Variants in KLF8 observed in about 807,000 individuals in gnomAD.
KLF8 encodes the protein KLF transcription factor 8.
Under a neutral mutation model 18.2 loss-of-function variants are expected in KLF8, and 10 were observed. The observed-to-expected ratio is 0.55, with a 90% confidence interval of 0.34 to 0.93. KLF8 has a LOEUF of 0.93. KLF8 is among the 40% of genes least tolerant of loss of function. The pLI, the probability that KLF8 is intolerant of heterozygous loss-of-function variation, is 0.02. For missense variants in KLF8, 264 were observed against 277.9 expected (o/e 0.95, Z 0.36); for synonymous variants, 109 against 97.3 (o/e 1.12, Z -0.71).
chrX:56,050,846 C>T, the KLF8 span, among the ~76,000 whole-genome samples: 3 of 109,754 alleles, frequency 2.7e-5, no homozygotes, highest in Non-Finnish European at 5.7e-5. Context: ...TCTCATTGAT[C>T]TGTCTAATGT....
At chrX:56,080,515 T>C in the KLF8 span, among the ~76,000 whole-genome samples, 1 of 111,774 alleles carries the variant, frequency 8.9e-6, no homozygotes, top group African/African-American at 3.3e-5. Context: ...TGCAGAGAGA[T>C]CCACTGTTAG....
At chrX:56,223,033 T>C in the KLF8 span, among the ~76,000 whole-genome samples, 1 of 112,904 alleles carries the variant, frequency 8.9e-6, no homozygotes, top group Non-Finnish European at 1.9e-5. Context: ...GCTCCTCAAG[T>C]GCGGCCAGAG....
the KLF8 span, among the ~76,000 whole-genome samples, chrX:56,196,573 A>G: frequency 2.8e-3 from 319 of 112,030 alleles, 3 homozygotes; most frequent in Non-Finnish European, 5.4e-3. Flanking sequence ...TGCACCCAAT[A>G]CAGGAGCACC....
At chrX:56,017,891 A>G in the KLF8 span, among the ~76,000 whole-genome samples, 1 of 111,518 alleles carries the variant, frequency 9.0e-6, no homozygotes, top group African/African-American at 3.3e-5. Flanking sequence ...TATTTTTATT[A>G]ATTTTAAATT....
chrX:55,949,062 A>C, the KLF8 span, among the ~76,000 whole-genome samples: 1 of 112,285 alleles, frequency 8.9e-6, no homozygotes, highest in East Asian at 2.8e-4. Context: ...TACTAGTCTT[A>C]GATGAATGTC....
chrX:56,105,700 C>A, the KLF8 span, among the ~76,000 whole-genome samples: 2 of 110,949 alleles, frequency 1.8e-5, no homozygotes, highest in Non-Finnish European at 3.8e-5. Flanking sequence ...GGGCATTTAG[C>A]ACATTTGCAT....
At chrX:56,159,576 G>A in the KLF8 span, among the ~76,000 whole-genome samples, 1 of 112,191 alleles carries the variant, frequency 8.9e-6, no homozygotes, top group Non-Finnish European at 1.9e-5. Flanking sequence ...CCTGTTATTG[G>A]TCCATTCAGA....
At chrX:56,175,301 T>C in the KLF8 span, among the ~76,000 whole-genome samples, 11 of 112,173 alleles carry the variant, frequency 9.8e-5, no homozygotes, top group Admixed American at 9.5e-4. Context: ...GTTGTGTCTT[T>C]GTTCTTGTTG....
the KLF8 span, among the ~76,000 whole-genome samples, chrX:55,983,307 G>T: frequency 9.0e-6 from 1 of 110,878 alleles, no homozygotes; most frequent in Non-Finnish European, 1.9e-5. Flanking sequence ...TCAGTTTTCT[G>T]TACTGAATTA....
chrX:55,919,730 G>A, the KLF8 span, among the ~76,000 whole-genome samples: 4 of 111,476 alleles, frequency 3.6e-5, no homozygotes, highest in African/African-American at 1.3e-4. Flanking sequence ...CCCGGCCCAA[G>A]GATAGGCTGA....
At chrX:56,102,078 T>C in the KLF8 span, among the ~76,000 whole-genome samples, 1 of 112,021 alleles carries the variant, frequency 8.9e-6, no homozygotes, top group African/African-American at 3.2e-5. Flanking sequence ...ATTTTTATAG[T>C]TTGAAGTCTT....
At chrX:55,973,851 A>G in the KLF8 span, among the ~76,000 whole-genome samples, 54 of 111,739 alleles carry the variant, frequency 4.8e-4, no homozygotes, top group African/African-American at 1.7e-3. Context: ...CCAAAAGAAC[A>G]CGAATTGTTC....
the KLF8 span, among the ~76,000 whole-genome samples, chrX:56,067,412 G>T: frequency 9.1e-6 from 1 of 110,205 alleles, no homozygotes; most frequent in East Asian, 2.9e-4. Context: ...CTGAGTAATT[G>T]GGTCATTTTT....
chrX:56,094,796 T>C, the KLF8 span, among the ~76,000 whole-genome samples: 1 of 111,083 alleles, frequency 9.0e-6, no homozygotes, highest in Non-Finnish European at 1.9e-5. Flanking sequence ...AATAACAGAA[T>C]GATAGCTAGA....
At chrX:56,052,162 A>G in the KLF8 span, among the ~76,000 whole-genome samples, 3 of 110,404 alleles carry the variant, frequency 2.7e-5, no homozygotes, top group African/African-American at 9.9e-5. Context: ...TTCTAGTTAT[A>G]CATTCTTCTA....
the KLF8 span, among the ~76,000 whole-genome samples, chrX:56,076,609 A>C: frequency 9.0e-6 from 1 of 111,407 alleles, no homozygotes; most frequent in East Asian, 2.8e-4. Flanking sequence ...ATACGTGTGC[A>C]TGTGTCTTTA....
At chrX:55,931,576 G>C in the KLF8 span, among the ~76,000 whole-genome samples, 1 of 111,558 alleles carries the variant, frequency 9.0e-6, no homozygotes, top group Non-Finnish European at 1.9e-5. Flanking sequence ...TTGTGGCTTT[G>C]TTCGTATTAG....
In KLF8 at chrX:56,248,271, C is replaced by T. The variant is rs149962591; in HGVS notation, c.8-1960C>T. Among the ~76,000 whole-genome samples the T allele has an allele frequency of 3.3e-4, 36 of 107,892 alleles. No homozygotes were observed. In the East Asian group the frequency reaches 9.2e-3, roughly 28 times the overall value. 93.7% of individuals were successfully genotyped at this position (107,892 alleles called of 115,157 possible). A position where few individuals can be genotyped will look rare whatever the true frequency, so the allele number is the denominator to read the frequency against. The stretch of plus-strand genomic sequence containing the variant: ...CATGGATACATATGTAACAAACCTG[C>T]ACGTTGTGCACGTGTACCCTAGAAC... On this transcript the variant is annotated intron_variant, in intron 1 of 5. Transcript: ENST00000468660.
At chrX:56,148,982 G>T in the KLF8 span, among the ~76,000 whole-genome samples, 1 of 112,149 alleles carries the variant, frequency 8.9e-6, no homozygotes, top group Admixed American at 9.5e-5. Flanking sequence ...CCCATGAAGG[G>T]CTTCATAGCC....
Sources: gnomAD v4.1 joint callset for allele counts (sites outside exome capture counted in the v4.1 genomes callset) on GRCh38, gnomAD v4.1.1 for gene constraint, MANE v1.5 for transcripts, NCBI Gene and HGNC (gene_info 2026-07-23, HGNC 2026-07-21) for gene names.